The following ANKRD30A variants were observed in gnomAD, a reference collection of about 807,000 sequenced individuals.
ANKRD30A encodes ankyrin repeat domain-containing protein 30A.
Under a neutral mutation model 166.3 loss-of-function variants are expected in ANKRD30A, and 170 were observed. That is an observed-to-expected ratio of 1.02 (90% CI 0.90 to 1.16). The LOEUF is 1.16. ANKRD30A is among the 50% of genes most tolerant of loss of function. ANKRD30A has a pLI of 0.00. For synonymous variants in ANKRD30A, 564 were observed against 508.9 expected, an observed-to-expected ratio of 1.11 and a Z score of -1.46; for missense variants, 1,630 against 1,518.0, an observed-to-expected ratio of 1.07 and a Z score of -1.23.
chr10:37,197,742 G>A (rs1018437001), intron 29 of ANKRD30A, among the ~76,000 whole-genome samples: 1 of 151,918 alleles, frequency 6.6e-6, no homozygotes, highest in African/African-American at 2.4e-5. Context: ...TTGAACTTCT[G>A]TATTTCTTAA....
chr10:37,194,839 A>G (rs1038017937), intron 27 of ANKRD30A, among the ~76,000 whole-genome samples: 1 of 152,164 alleles, frequency 6.6e-6, no homozygotes, highest in African/African-American at 2.4e-5. Flanking sequence ...TCGAAATTAA[A>G]TGGCAGCTGA....
chr10:37,212,856 C>T (rs921300346), intron 31 of ANKRD30A, among the ~76,000 whole-genome samples: 1 of 151,344 alleles, frequency 6.6e-6, no homozygotes, highest in African/African-American at 2.4e-5. Flanking sequence ...TCAGTTTTGT[C>T]AAAGATCAGA....
At position 37,129,994 on chromosome 10, in the gene ANKRD30A, C is replaced by T; in HGVS notation, c.323C>T (p.Thr108Ile). Residue 108 changes from threonine (T) to isoleucine (I), a missense_variant, in exon 2 of 36, where the codon ACA (threonine) becomes ATA (isoleucine). Physicochemically the swap from Thr to Ile is moderately conservative, Grantham distance 89. Coordinates refer to ENST00000361713, the MANE Select transcript of ANKRD30A (RefSeq NM_052997.3). Reference sequence around the variant, plus strand: ...GACGTCCTTGATGGCGAACACAGGACACCTCTGATGAAGGTAAATAGTAGC... The same window carrying T: ...GACGTCCTTGATGGCGAACACAGGATACCTCTGATGAAGGTAAATAGTAGC... The part of the protein sequence containing the change: ...QLDVLDGEHR[T>I]PLMKALQCHQ... 6.4e-7 allele frequency: 1 copy of T among 1,561,710 alleles called. No homozygotes were observed. Among genetic ancestry groups the T allele is most frequent in the Non-Finnish European group, 8.7e-7 (1 of 1,151,522 alleles).
intron 13 of ANKRD30A, 117 bp from the exon 14 acceptor site, chr10:37,158,275 G>A: frequency 1.4e-6 from 2 of 1,441,446 alleles, no homozygotes; most frequent in East Asian, 4.6e-5. Context: ...AAAACATAGT[G>A]TAATCCGTTT....
At chr10:37,164,539 A>C (rs1459045765) in intron 17 of ANKRD30A, among the ~76,000 whole-genome samples, 1 of 152,050 alleles carries the variant, frequency 6.6e-6, no homozygotes, top group Non-Finnish European at 1.5e-5. Flanking sequence ...TATCTTCCTA[A>C]AGCATATACA....
chr10:37,183,622 C>A (rs991558591), intron 24 of ANKRD30A, among the ~76,000 whole-genome samples: 2 of 147,206 alleles, frequency 1.4e-5, no homozygotes, highest in Non-Finnish European at 3.0e-5. Context: ...TAGAGAGGAT[C>A]TAGACTTTTC....
At chr10:37,179,088 T>C (rs1421870352) in intron 24 of ANKRD30A, among the ~76,000 whole-genome samples, 1 of 148,612 alleles carries the variant, frequency 6.7e-6, no homozygotes, top group African/African-American at 2.5e-5. Context: ...ATGTATGTTT[T>C]TGACGTTCAC....
chr10:37,212,481 G>A (rs1014597701), intron 31 of ANKRD30A, among the ~76,000 whole-genome samples: 2 of 151,946 alleles, frequency 1.3e-5, no homozygotes, highest in African/African-American at 4.8e-5. Context: ...TCCCCATCAA[G>A]CTACCAATGA....
the ANKRD30A span, among the ~76,000 whole-genome samples, chr10:37,238,841 T>C: frequency 1.4e-4 from 21 of 152,100 alleles, no homozygotes; most frequent in Non-Finnish European, 2.5e-4. Flanking sequence ...TGATATTGAG[T>C]TATTTCCTTT....
At position 37,201,239 on chromosome 10, in the gene ANKRD30A, T is replaced by C. The variant is rs761304966; in HGVS notation, c.2783T>C (p.Leu928Pro). 1.3e-6 allele frequency: 2 copies of C among 1,563,388 alleles called. No individual in the cohort carries two copies. Among genetic ancestry groups the C allele is most frequent in the Non-Finnish European group, 1.7e-6 (2 of 1,159,084 alleles). ...TATTGATATTACTTTTAACAGAGTC[T>C]CCGTGAGACTGTTTCACAGAAGGAT... ...VEENSWDSES[L>P]RETVSQKDVC... Residue 928 changes from leucine to proline, a missense_variant, in exon 31 of 36, where the codon CTC becomes CCC. Leu to Pro is a moderately conservative substitution (Grantham distance 98). Coordinates refer to ENST00000361713, the MANE Select transcript of ANKRD30A (RefSeq NM_052997.3).
At chr10:37,158,647 G>A (rs776849283) in intron 15 of ANKRD30A, 61 bp downstream of exon 15, 3 of 1,588,926 alleles carry the variant, frequency 1.9e-6, no homozygotes, top group African/African-American at 2.7e-5. Context: ...TTGAAATGCT[G>A]TGAGACTTTT....
chr10:37,134,642 T>C (rs1456957021), intron 5 of ANKRD30A, among the ~76,000 whole-genome samples: 2 of 152,214 alleles, frequency 1.3e-5, no homozygotes, highest in Non-Finnish European at 2.9e-5. Context: ...GTTTCCAAAG[T>C]ACCAGCACCC....
rs1247564364 is a variant in ANKRD30A at position 37,217,521 on chromosome 10, A to G, written c.3084-174A>G. On this transcript the variant is annotated intron_variant, in intron 32 of 35. Transcript: ENST00000361713. ...GTTCTTTTCTCGCTATTTTTCAAGT[A>G]TGTATGTCATTTGGAAGAGTTTGGA... Among the ~76,000 whole-genome samples the G allele has an allele frequency of 4.0e-5, 6 of 150,952 alleles. No individual in the cohort carries two copies. In the Admixed American group the frequency reaches 4.0e-4, roughly 10 times the overall value.
intron 21 of ANKRD30A, among the ~76,000 whole-genome samples, chr10:37,171,742 G>T (rs1438933244): frequency 6.6e-6 from 1 of 150,992 alleles, no homozygotes; most frequent in Non-Finnish European, 1.5e-5. Context: ...TCAAACTTTT[G>T]TTTATAATGA....
chr10:37,221,397 G>A (rs1842893121), intron 34 of ANKRD30A, among the ~76,000 whole-genome samples: 1 of 151,082 alleles, frequency 6.6e-6, no homozygotes, highest in Admixed American at 6.6e-5. Flanking sequence ...TTCACTAGAG[G>A]TTACATCACA....
intron 31 of ANKRD30A, 92 bp downstream of exon 31, chr10:37,201,417 C>A: frequency 1.0e-6 from 1 of 962,182 alleles, no homozygotes; most frequent in Non-Finnish European, 1.5e-6. Flanking sequence ...AAGAAAATTA[C>A]CTCCTAAATG....
At chr10:37,132,599 G>C (rs1474314880) in intron 4 of ANKRD30A, among the ~76,000 whole-genome samples, 2 of 152,068 alleles carry the variant, frequency 1.3e-5, no homozygotes, top group East Asian at 1.9e-4. Flanking sequence ...TTCTAAAGTG[G>C]TTCTGTATTA....
intron 13 of ANKRD30A, among the ~76,000 whole-genome samples, chr10:37,155,907 C>G (rs1838334912): frequency 6.6e-6 from 1 of 151,898 alleles, no homozygotes; most frequent in African/African-American, 2.4e-5. Flanking sequence ...CGGTGAAACC[C>G]CATCTCTACT....
chr10:37,129,282 T>C (rs1348193655), intron 1 of ANKRD30A, among the ~76,000 whole-genome samples: 1 of 152,198 alleles, frequency 6.6e-6, no homozygotes, highest in Admixed American at 6.5e-5. Flanking sequence ...AATATAGTTG[T>C]AATAAATAAT....
Sources: gnomAD v4.1 joint callset for allele counts (sites outside exome capture counted in the v4.1 genomes callset) on GRCh38, gnomAD v4.1.1 for gene constraint, MANE v1.5 for transcripts, NCBI Gene and HGNC (gene_info 2026-07-23, HGNC 2026-07-21) for gene names.